SLC35F3: variants seen among roughly 807,000 people sequenced by gnomAD.
SLC35F3 encodes the protein solute carrier family 35 member F3.
Under a neutral mutation model 49.9 loss-of-function variants are expected in SLC35F3, and 25 were observed. The ratio of observed to expected loss-of-function variants is 0.50; its 90% CI spans 0.37 to 0.70. SLC35F3 has a LOEUF of 0.70. Ranked by LOEUF, SLC35F3 falls within the 30% of genes least tolerant of loss-of-function variation. The pLI, the probability that SLC35F3 is intolerant of heterozygous loss-of-function variation, is 0.00. For synonymous variants in SLC35F3, 275 were observed against 265.4 expected, an observed-to-expected ratio of 1.04 and a Z score of -0.35; for missense variants, 525 against 639.8, an observed-to-expected ratio of 0.82 and a Z score of 1.94.
intron 7 of SLC35F3, among the ~76,000 whole-genome samples, chr1:234,321,657 A>G (rs770195336): frequency 8.5e-5 from 13 of 152,328 alleles, no homozygotes; most frequent in Middle Eastern, 6.8e-3. Context: ...ATTCATTAAA[A>G]TCATTTTTCA....
At chr1:234,048,433 G>C (rs1035099215) in intron 2 of SLC35F3, among the ~76,000 whole-genome samples, 1 of 152,190 alleles carries the variant, frequency 6.6e-6, no homozygotes, top group African/African-American at 2.4e-5. Context: ...TGTCAGTATG[G>C]ACCAAAGGGG....
At chr1:234,147,096 T>C (rs1666008336) in intron 2 of SLC35F3, among the ~76,000 whole-genome samples, 1 of 152,204 alleles carries the variant, frequency 6.6e-6, no homozygotes, top group Non-Finnish European at 1.5e-5. Context: ...GCTTTCTTTC[T>C]GAAGAGACTT....
At chr1:233,947,297 T>G (rs1232588374) in intron 2 of SLC35F3, among the ~76,000 whole-genome samples, 1 of 151,522 alleles carries the variant, frequency 6.6e-6, no homozygotes, top group Non-Finnish European at 1.5e-5. Context: ...ATGTCCATAC[T>G]CCCACAGGGC....
chr1:234,165,728 C>A (rs1201171984), intron 2 of SLC35F3, among the ~76,000 whole-genome samples: 1 of 152,004 alleles, frequency 6.6e-6, no homozygotes, highest in Non-Finnish European at 1.5e-5. Context: ...ATTTCAATAG[C>A]TTTAGGGGTA....
chr1:234,008,851 T>C (rs112126558), intron 2 of SLC35F3, among the ~76,000 whole-genome samples: 208 of 152,336 alleles, frequency 1.4e-3, no homozygotes, highest in Middle Eastern at 6.8e-3. Flanking sequence ...GATTCCTGGA[T>C]GCTGCCTGAC....
intron 2 of SLC35F3, among the ~76,000 whole-genome samples, chr1:234,028,023 G>A (rs899873512): frequency 4.6e-5 from 7 of 152,088 alleles, no homozygotes; most frequent in Non-Finnish European, 8.8e-5. Context: ...TAATAAATTC[G>A]GGTAAAACTA....
Position 233,926,328 on chromosome 1 carries a change from G to T in SLC35F3, c.283+20570G>T, listed in dbSNP as rs1003987787. On this transcript the variant is annotated intron_variant, in intron 2 of 7. Coordinates refer to ENST00000366618, the MANE Select transcript of SLC35F3 (RefSeq NM_173508.4). ...CTCATATTTCTTGGCGGCTTTATTC[G>T]TTTCTTTTTACTCTTTTTTCTCTAA... Among the ~76,000 whole-genome samples, 9 of 152,042 alleles carry T rather than the reference G, an allele frequency of 5.9e-5. No individual in the cohort carries two copies. The South Asian group carries it at 1.9e-3, about 32-fold the overall frequency.
At position 234,323,607 on chromosome 1, in the gene SLC35F3, C is replaced by T. The variant is rs10910416; in HGVS notation, c.*364C>T. On this transcript the variant is annotated 3_prime_UTR_variant, in exon 8 of 8. Transcript: ENST00000366618. This position sits in a 1 kb window ranked among gnomAD's most constrained non-coding sequence, Gnocchi z 4.5. ...ATCTTAGCAACTGAACATGACATTG[C>T]ACACTGTGATTATTTTTCAGCTATG... is the stretch of plus-strand genomic sequence containing the variant. 29,238 of 244,308 alleles carry T rather than the reference C, an allele frequency of 0.12. 2,194 individuals are homozygous for T. The highest frequency in any genetic ancestry group is 0.23 in the African/African-American group (10,258 of 44,812). 15.1% of individuals were successfully genotyped at this position (244,308 alleles called of 1,614,324 possible). A position where few individuals can be genotyped will look rare whatever the true frequency, so the allele number is the denominator to read the frequency against.
intron 2 of SLC35F3, among the ~76,000 whole-genome samples, chr1:234,177,038 CAT>C (rs1469981368): frequency 6.6e-6 from 1 of 152,174 alleles, no homozygotes; most frequent in Non-Finnish European, 1.5e-5. Flanking sequence ...ACAATTCCCA[CAT>C]GTCATGGGAG....
chr1:234,123,469 G>A (rs1436679436), intron 2 of SLC35F3, among the ~76,000 whole-genome samples: 1 of 152,160 alleles, frequency 6.6e-6, no homozygotes, highest in African/African-American at 2.4e-5. Context: ...GAGTACAGTG[G>A]TGTAATCATA....
Position 234,318,810 on chromosome 1 carries a change from C to T in SLC35F3, c.1014C>T (p.Ser338=), listed in dbSNP as rs539085374. The T allele has an allele frequency of 1.5e-5, 24 of 1,614,174 alleles. No individual in the cohort carries two copies. In the East Asian group the frequency reaches 3.1e-4, roughly 21 times the overall value. The part of the protein sequence containing the change: ...AKFGEAALFL[S]ILGVFNILFI... ...TTGGAGAAGCCGCCTTATTTTTGTC[C>T]ATCTTGGGTGTGTTTAACATCCTCT... Residue 338 remains serine, a synonymous_variant, in exon 6 of 8, where the codon TCC becomes TCT. Coordinates refer to ENST00000366618, the MANE Select transcript of SLC35F3 (RefSeq NM_173508.4).
At chr1:234,224,856 G>C (rs1386893926) in intron 2 of SLC35F3, among the ~76,000 whole-genome samples, 1 of 152,234 alleles carries the variant, frequency 6.6e-6, no homozygotes, top group Non-Finnish European at 1.5e-5. Context: ...TACTGGCAGA[G>C]AGTGTGGTGT....
chr1:234,051,884 T>A (rs1048002503), intron 2 of SLC35F3, among the ~76,000 whole-genome samples: 1 of 152,248 alleles, frequency 6.6e-6, no homozygotes, highest in Non-Finnish European at 1.5e-5. Flanking sequence ...CTTTTCTGCA[T>A]CTATTGAGAT....
rs545342230 is a variant in SLC35F3 at position 234,059,347 on chromosome 1, A to AT, written c.283+153598dup. On this transcript the variant is annotated intron_variant, in intron 2 of 7. Transcript: ENST00000366618. ...GCACTGTTTTAGCTGCACTCCACAT[A>AT]TTTTTTTTTCATTTTTTTGTAAGTG... Among the ~76,000 whole-genome samples the AT allele has an allele frequency of 1.4e-3, 190 of 137,040 alleles. No homozygotes were observed. In the East Asian group the frequency reaches 0.016, roughly 11 times the overall value. 89.9% of individuals were successfully genotyped at this position (137,040 alleles called of 152,430 possible).
chr1:234,006,733 G>A (rs945155255), intron 2 of SLC35F3, among the ~76,000 whole-genome samples: 1 of 152,216 alleles, frequency 6.6e-6, no homozygotes, highest in Admixed American at 6.5e-5. Context: ...GGGAGTGGAA[G>A]AAGAGATGAG....
At chr1:234,058,492 G>T (rs1664490904) in intron 2 of SLC35F3, among the ~76,000 whole-genome samples, 1 of 151,696 alleles carries the variant, frequency 6.6e-6, no homozygotes, top group Admixed American at 6.6e-5. Flanking sequence ...CTATAGGCAT[G>T]CACCATTATG....
intron 2 of SLC35F3, among the ~76,000 whole-genome samples, chr1:234,152,934 A>G (rs1202560418): frequency 6.6e-6 from 1 of 152,134 alleles, no homozygotes; most frequent in Non-Finnish European, 1.5e-5. Context: ...CTGGCGTGAG[A>G]TGGTGTCTCA....
At chr1:233,996,833 C>T (rs192250794) in intron 2 of SLC35F3, among the ~76,000 whole-genome samples, 3 of 152,238 alleles carry the variant, frequency 2.0e-5, no homozygotes, top group Admixed American at 6.5e-5. Context: ...AACTGAAGTT[C>T]GACTTGGTTC....
At chr1:234,112,005 A>G (rs970406094) in intron 2 of SLC35F3, among the ~76,000 whole-genome samples, 10 of 152,012 alleles carry the variant, frequency 6.6e-5, no homozygotes, top group African/African-American at 2.2e-4. Context: ...CTTTCGGCAG[A>G]ACCTCAGATC....
Sources: allele counts gnomAD v4.1 joint callset (sites outside exome capture counted in the v4.1 genomes callset), GRCh38; gene constraint gnomAD v4.1.1; non-coding constraint Gnocchi (gnomAD v3.1); transcripts MANE v1.5; gene names NCBI Gene and HGNC (gene_info 2026-07-23, HGNC 2026-07-21).